SGCZ: variants seen among roughly 807,000 people sequenced by gnomAD.
The protein encoded by SGCZ is zeta-sarcoglycan.
In SGCZ, 40 loss-of-function variants were observed where a neutral mutation model predicts 41.3. The observed-to-expected ratio is 0.97, with a 90% confidence interval of 0.75 to 1.26. The LOEUF is 1.26. SGCZ is among the 50% of genes most tolerant of loss of function. SGCZ has a pLI of 0.00. For missense variants in SGCZ, 552 were observed against 369.8 expected, an observed-to-expected ratio of 1.49 and a Z score of -4.04; for synonymous variants, 206 against 137.5, an observed-to-expected ratio of 1.50 and a Z score of -3.49.
Position 14,762,611 on chromosome 8 carries a change from C to G in SGCZ, c.40-207685G>C, listed in dbSNP as rs564491255. 5.2e-4 allele frequency among the ~76,000 whole-genome samples: 79 copies of G among 152,232 alleles called. 2 individuals are homozygous for G. In the South Asian group the frequency reaches 0.016, roughly 30 times the overall value. On this transcript the variant is annotated intron_variant, in intron 1 of 7. Coordinates refer to ENST00000382080, the MANE Select transcript of SGCZ (RefSeq NM_139167.4). The stretch of plus-strand genomic sequence containing the variant: ...TCAAATTCTATAACTAGCTCTTGGT[C>G]TCATCATAAATTCAAAGCAAAATGA...
chr8:14,988,532 T>G (rs1014588969), intron 1 of SGCZ, among the ~76,000 whole-genome samples: 2 of 152,054 alleles, frequency 1.3e-5, no homozygotes, highest in African/African-American at 4.8e-5. Context: ...TTTCCTTCCC[T>G]TTACTATAAG....
chr8:14,759,025 A>T (rs1268556067), intron 1 of SGCZ, among the ~76,000 whole-genome samples: 1 of 151,306 alleles, frequency 6.6e-6, no homozygotes, highest in East Asian at 1.9e-4. Flanking sequence ...AAAAAAAAAA[A>T]TTCTTTACAG....
At chr8:14,623,942 C>T (rs906242027) in intron 1 of SGCZ, among the ~76,000 whole-genome samples, 2 of 152,142 alleles carry the variant, frequency 1.3e-5, no homozygotes, top group East Asian at 3.9e-4. Flanking sequence ...TTTGTTAGGA[C>T]ACTGAAATTT....
intron 1 of SGCZ, among the ~76,000 whole-genome samples, chr8:14,708,698 T>A (rs925003431): frequency 6.6e-6 from 1 of 152,130 alleles, no homozygotes; most frequent in Non-Finnish European, 1.5e-5. Flanking sequence ...TACTACTTTT[T>A]AAAAAGTATT....
At chr8:14,309,557 G>A (rs1801459175) in intron 3 of SGCZ, 1 of 1,610,510 alleles carries the variant, frequency 6.2e-7, no homozygotes, top group African/African-American at 1.3e-5. Context: ...TACACATACA[G>A]GGACGGTATA....
chr8:15,214,665 C>T (rs934190133), intron 1 of SGCZ, among the ~76,000 whole-genome samples: 2 of 152,102 alleles, frequency 1.3e-5, no homozygotes, highest in African/African-American at 4.8e-5. Flanking sequence ...GCTCACGTTA[C>T]AATTTATCTT....
At chr8:14,331,390 C>G (rs949750889) in intron 2 of SGCZ, among the ~76,000 whole-genome samples, 1 of 151,896 alleles carries the variant, frequency 6.6e-6, no homozygotes, top group Non-Finnish European at 1.5e-5. Flanking sequence ...TTTTTTAATA[C>G]TTTATACTGA....
At chr8:14,513,447 G>C (rs575319522) in intron 2 of SGCZ, among the ~76,000 whole-genome samples, 1 of 109,936 alleles carries the variant, frequency 9.1e-6, no homozygotes, top group African/African-American at 3.8e-5. Context: ...AGTCCATAGA[G>C]TTTATTTGTA....
rs1800728157 is a variant in SGCZ at position 14,288,613 on chromosome 8, G to A, written c.336+35490C>T. Reference sequence around the variant, plus strand: ...TGTTGAAATGCCATATTATGTAATAGTATTTCAATCCTTTCATAGCTTAAT... The same window carrying A: ...TGTTGAAATGCCATATTATGTAATAATATTTCAATCCTTTCATAGCTTAAT... On this transcript the variant is annotated intron_variant, in intron 3 of 7. Coordinates refer to ENST00000382080, the MANE Select transcript of SGCZ (RefSeq NM_139167.4). 2.0e-5 allele frequency among the ~76,000 whole-genome samples: 3 copies of A among 152,102 alleles called. 1 individual carries two copies. The South Asian group carries it at 6.2e-4, about 31-fold the overall frequency.
intron 1 of SGCZ, among the ~76,000 whole-genome samples, chr8:14,750,658 A>G (rs565348468): frequency 6.6e-6 from 1 of 152,326 alleles, no homozygotes; most frequent in South Asian, 2.1e-4. Flanking sequence ...ATTCAGAGAC[A>G]TTATGATACA....
In SGCZ at chr8:14,995,839, G is replaced by C. The variant is rs190036825; in HGVS notation, c.39+241746C>G. 9.7e-4 allele frequency among the ~76,000 whole-genome samples: 147 copies of C among 152,182 alleles called. 1 individual carries two copies. Among genetic ancestry groups the C allele is most frequent in the African/African-American group, 3.2e-3 (134 of 41,536 alleles). On this transcript the variant is annotated intron_variant, in intron 1 of 7. Coordinates refer to ENST00000382080, the MANE Select transcript of SGCZ (RefSeq NM_139167.4). ...ACCAGAAAATATTTCTAGACTATCA[G>C]AGTTACATTGTAATCCTATGCTTTT...
At chr8:14,195,528 G>C (rs1254141460) in intron 4 of SGCZ, among the ~76,000 whole-genome samples, 1 of 152,080 alleles carries the variant, frequency 6.6e-6, no homozygotes, top group Admixed American at 6.6e-5. Flanking sequence ...TTCTAAGTTT[G>C]ATGAAAATCA....
intron 2 of SGCZ, among the ~76,000 whole-genome samples, chr8:14,365,117 A>G (rs1403433044): frequency 6.6e-6 from 1 of 151,978 alleles, no homozygotes; most frequent in Non-Finnish European, 1.5e-5. Context: ...CTTTTGTCAT[A>G]TATGTTATTA....
intron 1 of SGCZ, among the ~76,000 whole-genome samples, chr8:14,698,147 A>T (rs1211919864): frequency 6.6e-6 from 1 of 152,034 alleles, no homozygotes; most frequent in Non-Finnish European, 1.5e-5. Context: ...AACAAAATAT[A>T]GATGTGTTCC....
At chr8:14,840,599 A>T (rs1426423413) in intron 1 of SGCZ, among the ~76,000 whole-genome samples, 1 of 152,120 alleles carries the variant, frequency 6.6e-6, no homozygotes, top group Non-Finnish European at 1.5e-5. Context: ...AAAGAAACCA[A>T]GTCTCATTTC....
At chr8:14,459,668 G>A (rs1020586462) in intron 2 of SGCZ, among the ~76,000 whole-genome samples, 11 of 152,078 alleles carry the variant, frequency 7.2e-5, no homozygotes, top group Admixed American at 5.9e-4. Context: ...CAACAAAACT[G>A]TAAGGAAGTA....
chr8:14,228,832 T>G (rs1004915351), intron 4 of SGCZ, among the ~76,000 whole-genome samples: 1 of 152,142 alleles, frequency 6.6e-6, no homozygotes, highest in South Asian at 2.1e-4. Context: ...ATATTTTGTC[T>G]GGAAAAGGAA....
Position 15,237,875 on chromosome 8 carries a change from C to T in SGCZ, c.-252G>A, listed in dbSNP as rs909889199. 4.6e-6 allele frequency: 2 copies of T among 431,252 alleles called. No individual in the cohort carries two copies. Among genetic ancestry groups the T allele is most frequent in the Non-Finnish European group, 8.3e-6 (2 of 240,408 alleles). The allele number at this position is 431,252 out of a possible 1,614,324, so 26.7% of individuals were successfully genotyped here. On this transcript the variant is annotated 5_prime_UTR_variant, in exon 1 of 8. In the 5' UTR this introduces an upstream ATG that the reference lacks. Coordinates refer to ENST00000382080, the MANE Select transcript of SGCZ (RefSeq NM_139167.4). ...AGGTGATCTCTACCGCGGTGCAACA[C>T]AGCTGAGTCGATTGAAACAGGGGCC...
intron 1 of SGCZ, among the ~76,000 whole-genome samples, chr8:14,863,016 T>G (rs888916150): frequency 5.9e-5 from 9 of 152,140 alleles, no homozygotes; most frequent in African/African-American, 1.9e-4. Flanking sequence ...CAATCAATTT[T>G]TGAAATCATA....
Sources: allele counts gnomAD v4.1 joint callset (sites outside exome capture counted in the v4.1 genomes callset), GRCh38; gene constraint gnomAD v4.1.1; transcripts MANE v1.5; gene names NCBI Gene and HGNC (gene_info 2026-07-23, HGNC 2026-07-21).